STRN: variants seen among roughly 807,000 people sequenced by gnomAD.
STRN encodes the protein striatin.
In STRN, 53 loss-of-function variants were observed where a neutral mutation model predicts 96.3. That is an observed-to-expected ratio of 0.55 (90% CI 0.44 to 0.69). STRN has a LOEUF of 0.69. Among genes scored for constraint, STRN ranks in the 30% least tolerant of loss-of-function variants. The pLI, the probability that STRN is intolerant of heterozygous loss-of-function variation, is 0.00. For missense variants in STRN, 987 were observed against 963.9 expected (o/e 1.02, Z -0.32); for synonymous variants, 428 against 355.9 (o/e 1.20, Z -2.28).
chr2:36,924,176 G>A (rs1015999093), intron 2 of STRN, among the ~76,000 whole-genome samples: 1 of 152,016 alleles, frequency 6.6e-6, no homozygotes, highest in Non-Finnish European at 1.5e-5. Flanking sequence ...CTCACATGGT[G>A]AAACCCCATC....
At chr2:36,852,701 A>T (rs1668249640) in intron 15 of STRN, among the ~76,000 whole-genome samples, 1 of 152,244 alleles carries the variant, frequency 6.6e-6, no homozygotes, top group South Asian at 2.1e-4. Context: ...TTTGAACCCT[A>T]GAATAGGTAT....
chr2:36,847,510 A>G lies in STRN; in HGVS notation c.*1946T>C, dbSNP rs571106119. ...ACACAATATGGAATTCTGTATCTGC[A>G]TGGAAATATTAAGTATTCACCTGAC... On this transcript the variant is annotated 3_prime_UTR_variant, in exon 18 of 18. Transcript: ENST00000263918. The G allele has an allele frequency of 2.6e-5, 4 of 152,292 alleles. No individual in the cohort carries two copies. In the East Asian group the frequency reaches 7.7e-4, roughly 29 times the overall value. 9.4% of individuals were successfully genotyped at this position (152,292 alleles called of 1,614,324 possible).
chr2:36,966,387 G>T lies in STRN; in HGVS notation c.77C>A (p.Pro26His). The T allele has an allele frequency of 6.8e-7, 1 of 1,464,050 alleles. No homozygotes were observed. Among genetic ancestry groups the T allele is most frequent in the Non-Finnish European group, 9.0e-7 (1 of 1,110,150 alleles). The allele number at this position is 1,464,050 out of a possible 1,614,324, so 90.7% of individuals were successfully genotyped here. ...GCCGGCCGCGGCAGCCTCCGCCAGA[G>T]GCCCGAGCCCCTTGGCACCGCCGGC... ...PGAGGAKGLG[P>H]LAEAAAAGDG... Residue 26 changes from proline to histidine, a missense_variant, in exon 1 of 18, where the codon CCT becomes CAT. Pro to His is a moderately conservative substitution (Grantham distance 77). Transcript: ENST00000263918.
At chr2:36,888,084 T>C (rs1669286745) in intron 7 of STRN, among the ~76,000 whole-genome samples, 1 of 152,116 alleles carries the variant, frequency 6.6e-6, no homozygotes, top group African/African-American at 2.4e-5. Flanking sequence ...TACGTGCACT[T>C]TTTCAGAGCA....
At chr2:36,922,812 C>T (rs1002336294) in intron 2 of STRN, among the ~76,000 whole-genome samples, 1 of 150,486 alleles carries the variant, frequency 6.6e-6, no homozygotes, top group Non-Finnish European at 1.5e-5. Flanking sequence ...GCCTCACCTC[C>T]TCTTACTCTG....
At chr2:36,905,006 G>A (rs1669784688) in intron 4 of STRN, among the ~76,000 whole-genome samples, 1 of 135,446 alleles carries the variant, frequency 7.4e-6, no homozygotes, top group East Asian at 2.1e-4. Context: ...TTTCGCTCTT[G>A]TTGCCCAGGC....
At chr2:36,850,052 T>G (rs566009214) in intron 16 of STRN, among the ~76,000 whole-genome samples, 1 of 152,382 alleles carries the variant, frequency 6.6e-6, no homozygotes, top group African/African-American at 2.4e-5. Flanking sequence ...GTCAGTAATT[T>G]CTACACGCAA....
chr2:36,874,351 C>T lies in STRN; in HGVS notation c.1323+3540G>A, dbSNP rs542682568. On this transcript the variant is annotated intron_variant, in intron 10 of 17. Transcript: ENST00000263918. ...GATTACTGAAGAGACAATTAGTGAA[C>T]TGAAAGATGAATCATAAAAAAAATA... 2.7e-5 allele frequency among the ~76,000 whole-genome samples: 4 copies of T among 149,884 alleles called. 1 individual carries two copies. The South Asian group carries it at 6.3e-4, about 24-fold the overall frequency.
rs1036224162 is a variant in STRN at position 36,935,973 on chromosome 2, A to C, written c.235-10765T>G. ...TATTAATAAAACAAAATAAATAAAA[A>C]ACGTTGGTATTAACATGTAAATAAT... is the stretch of plus-strand genomic sequence containing the variant. On this transcript the variant is annotated intron_variant, in intron 1 of 17. Coordinates refer to ENST00000263918, the MANE Select transcript of STRN (RefSeq NM_003162.4). Among the ~76,000 whole-genome samples, 8 of 152,102 alleles carry C rather than the reference A, an allele frequency of 5.3e-5. 1 individual carries two copies. The highest frequency in any genetic ancestry group is 5.2e-4 in the Admixed American group (8 of 15,282).
At chr2:36,861,033 T>C in intron 13 of STRN, 99 bp downstream of exon 13, 5 of 1,425,682 alleles carry the variant, frequency 3.5e-6, no homozygotes, top group Non-Finnish European at 4.7e-6. Context: ...TTTACCTATT[T>C]ATTTTCAAAA....
chr2:36,843,963 A>G lies in STRN; in HGVS notation c.*5493T>C, dbSNP rs1031277996. The stretch of plus-strand genomic sequence containing the variant: ...CATTAATTGATGTAACTAAAATTTA[A>G]AATACCTGAAGATCAAACAATCTGG... On this transcript the variant is annotated 3_prime_UTR_variant, in exon 18 of 18. Coordinates refer to ENST00000263918, the MANE Select transcript of STRN (RefSeq NM_003162.4). 1 of 152,194 alleles carries G rather than the reference A, an allele frequency of 6.6e-6. No homozygotes were observed. The highest frequency in any genetic ancestry group is 1.5e-5 in the Non-Finnish European group (1 of 68,026). 9.4% of individuals were successfully genotyped at this position (152,194 alleles called of 1,614,324 possible).
rs76154139 is a variant in STRN, at chr2:36,877,354, C to T, written c.1323+537G>A. Among the ~76,000 whole-genome samples the T allele has an allele frequency of 6.5e-3, 984 of 152,204 alleles. 16 individuals carry two copies. The highest frequency in any genetic ancestry group is 0.023 in the African/African-American group (937 of 41,524). On this transcript the variant is annotated intron_variant, in intron 10 of 17. Transcript: ENST00000263918. ...AGGAATTCTTTCCCCTATCAAAAAC[C>T]AATAAACAAATCATACTCAATTATG...
chr2:36,965,167 G>A (rs761382202), intron 1 of STRN, among the ~76,000 whole-genome samples: 2 of 152,152 alleles, frequency 1.3e-5, no homozygotes, highest in Admixed American at 6.5e-5. Flanking sequence ...ACACTGGGTA[G>A]CATTTTAAAC....
intron 6 of STRN, among the ~76,000 whole-genome samples, chr2:36,899,309 A>G (rs1243028192): frequency 6.6e-6 from 1 of 152,246 alleles, no homozygotes; most frequent in Non-Finnish European, 1.5e-5. Flanking sequence ...TGAATGAACA[A>G]AAAGTCAAAC....
At position 36,886,655 on chromosome 2, in the gene STRN, A is replaced by C. The variant is rs1354058523; in HGVS notation, c.1042+61T>G. ...TAGATTTAGGAAAACATTGAAAAAA[A>C]AAACTGGGGGATGTAAAGAGGCAAG... On this transcript the variant is annotated intron_variant, in intron 8 of 17. Coordinates refer to ENST00000263918, the MANE Select transcript of STRN (RefSeq NM_003162.4). 5.9e-6 allele frequency: 8 copies of C among 1,355,860 alleles called. No homozygotes were observed. In the African/African-American group the frequency reaches 1.0e-4, roughly 18 times the overall value. 84.0% of individuals were successfully genotyped at this position (1,355,860 alleles called of 1,614,324 possible). A position where few individuals can be genotyped will look rare whatever the true frequency, so the allele number is the denominator to read the frequency against.
intron 2 of STRN, among the ~76,000 whole-genome samples, chr2:36,920,415 G>C (rs1169166611): frequency 1.3e-5 from 2 of 152,108 alleles, no homozygotes; most frequent in Non-Finnish European, 2.9e-5. Flanking sequence ...GAGGTGGGCA[G>C]ATCACCTGAG....
chr2:36,858,108 A>C, intron 13 of STRN, 85 bp from the exon 14 acceptor site: 1 of 1,098,378 alleles, frequency 9.1e-7, no homozygotes, highest in Non-Finnish European at 1.3e-6. Flanking sequence ...ATATATAAAC[A>C]ATAGCACCTG....
intron 3 of STRN, among the ~76,000 whole-genome samples, chr2:36,906,862 A>G (rs1669834371): frequency 6.6e-6 from 1 of 152,050 alleles, no homozygotes; most frequent in South Asian, 2.1e-4. Flanking sequence ...CGGAGGTTGC[A>G]GTGAGCCGAG....
chr2:36,852,360 G>C (rs2148126155), intron 15 of STRN, among the ~76,000 whole-genome samples: 1 of 152,198 alleles, frequency 6.6e-6, no homozygotes, highest in African/African-American at 2.4e-5. Flanking sequence ...TATATTACTG[G>C]AACAACTCTC....
Sources: allele counts gnomAD v4.1 joint callset (sites outside exome capture counted in the v4.1 genomes callset), GRCh38; gene constraint gnomAD v4.1.1; transcripts MANE v1.5; gene names NCBI Gene and HGNC (gene_info 2026-07-23, HGNC 2026-07-21).